The following EPHB1 variants were observed in gnomAD, a reference collection of about 807,000 sequenced individuals.
The protein encoded by EPHB1 is ephrin type-B receptor 1.
Under a neutral mutation model 94.4 loss-of-function variants are expected in EPHB1, and 30 were observed. The observed-to-expected ratio is 0.32, with a 90% CI of 0.24 to 0.43. The LOEUF (loss-of-function observed/expected upper bound fraction) is 0.43, where lower values mean the gene tolerates loss of function less well. EPHB1 is among the 20% of genes least tolerant of loss of function. The pLI is 1.00. For missense variants in EPHB1, 1,055 were observed against 1,308.3 expected, an observed-to-expected ratio of 0.81 and a Z score of 2.99; for synonymous variants, 522 against 489.1, an observed-to-expected ratio of 1.07 and a Z score of -0.89.
At chr3:134,924,001 A>G (rs2038740440) in intron 1 of EPHB1, among the ~76,000 whole-genome samples, 1 of 152,202 alleles carries the variant, frequency 6.6e-6, no homozygotes, top group African/African-American at 2.4e-5. Context: ...CTGGGAATGC[A>G]GGGGACTAGG....
At chr3:134,948,518 A>G (rs1371647604) in intron 2 of EPHB1, among the ~76,000 whole-genome samples, 2 of 152,134 alleles carry the variant, frequency 1.3e-5, no homozygotes, top group East Asian at 1.9e-4. Context: ...TGATAGAACA[A>G]AACACAGTGT....
intron 15 of EPHB1, among the ~76,000 whole-genome samples, chr3:135,250,149 A>G (rs1933009502): frequency 6.6e-6 from 1 of 152,202 alleles, no homozygotes; most frequent in African/African-American, 2.4e-5. Context: ...TTTGGGAAAT[A>G]TTGTGTACTT....
intron 1 of EPHB1, among the ~76,000 whole-genome samples, chr3:134,854,521 T>C (rs1295686055): frequency 6.6e-6 from 1 of 152,098 alleles, no homozygotes; most frequent in Non-Finnish European, 1.5e-5. Context: ...CGGTGGTGTT[T>C]ACTGTGAGGG....
At chr3:135,079,758 T>C (rs773100395) in intron 3 of EPHB1, among the ~76,000 whole-genome samples, 5 of 152,010 alleles carry the variant, frequency 3.3e-5, no homozygotes, top group Non-Finnish European at 5.9e-5. Flanking sequence ...CATTCCTGGG[T>C]ACCCTGTCTC....
intron 10 of EPHB1, among the ~76,000 whole-genome samples, chr3:135,190,759 C>T (rs975378982): frequency 2.0e-5 from 3 of 152,194 alleles, no homozygotes; most frequent in Non-Finnish European, 4.4e-5. Context: ...GAATCTTCAG[C>T]AGTTTGTAAC....
chr3:134,945,580 A>C (rs1216894434), intron 2 of EPHB1, among the ~76,000 whole-genome samples: 1 of 152,222 alleles, frequency 6.6e-6, no homozygotes, highest in Non-Finnish European at 1.5e-5. Flanking sequence ...TCACCAGTTT[A>C]TACTTCCATC....
intron 5 of EPHB1, among the ~76,000 whole-genome samples, chr3:135,153,266 C>A (rs1403799260): frequency 6.6e-6 from 1 of 152,178 alleles, no homozygotes; most frequent in East Asian, 1.9e-4. Flanking sequence ...AGTGCCAGGA[C>A]TAAACGGAAC....
intron 15 of EPHB1, among the ~76,000 whole-genome samples, chr3:135,250,760 A>G (rs553710779): frequency 6.6e-6 from 1 of 152,194 alleles, no homozygotes; most frequent in South Asian, 2.1e-4. Context: ...GGGCTACAAC[A>G]TGTACCGATA....
intron 10 of EPHB1, among the ~76,000 whole-genome samples, chr3:135,189,214 G>A (rs1559867897): frequency 6.6e-6 from 1 of 152,204 alleles, no homozygotes; most frequent in African/African-American, 2.4e-5. Context: ...CATACTATGT[G>A]CCAGGACCTG....
rs569596041 is a variant in EPHB1 at position 135,249,372 on chromosome 3, C to G, written c.2727C>G (p.Asp909Glu). 5 of 1,613,918 alleles carry G rather than the reference C, an allele frequency of 3.1e-6. No homozygotes were observed. The South Asian group carries it at 5.5e-5, about 18-fold the overall frequency. The change falls in exon 15 of 16, where the codon GAC becomes GAG. Residue 909 changes from aspartate to glutamate, a missense_variant. By Grantham distance (45) the Asp-to-Glu change is conservative. Coordinates refer to ENST00000398015, the MANE Select transcript of EPHB1 (RefSeq NM_004441.5). ...SQPLLDRSIPDFTAFTTVDDW... is the reference protein window; with the variant it reads ...SQPLLDRSIPEFTAFTTVDDW... ...CCCTGCTCGACCGCTCCATCCCAGA[C>G]TTCACGGCCTTTACCACCGTGGATG...
intron 3 of EPHB1, among the ~76,000 whole-genome samples, chr3:135,062,623 C>T (rs1473493095): frequency 1.3e-5 from 2 of 151,952 alleles, no homozygotes; most frequent in African/African-American, 4.8e-5. Context: ...AGACTTTTTC[C>T]CACTCTGTGG....
chr3:135,167,092 G>C, intron 9 of EPHB1, 86 bp downstream of exon 9: 2 of 1,500,126 alleles, frequency 1.3e-6, no homozygotes, highest in Non-Finnish European at 1.8e-6. Context: ...TTTATAGCCA[G>C]ACTGGCTGGT....
chr3:135,121,151 C>G (rs1345208196), intron 4 of EPHB1, among the ~76,000 whole-genome samples: 1 of 152,230 alleles, frequency 6.6e-6, no homozygotes, highest in African/African-American at 2.4e-5. Context: ...TAGCCAGGTT[C>G]TGCACTCCTG....
rs377287512 is a variant in EPHB1 at position 135,013,384 on chromosome 3, G to A, written c.805+61332G>A. On this transcript the variant is annotated intron_variant, in intron 3 of 15. Coordinates refer to ENST00000398015, the MANE Select transcript of EPHB1 (RefSeq NM_004441.5). ...GTAGAGTCATTGCCTGCCTGTCAGG[G>A]GGAGTGGGAAATGAGCAGATTGCAG... is the stretch of plus-strand genomic sequence containing the variant. 1.4e-3 allele frequency among the ~76,000 whole-genome samples: 215 copies of A among 152,306 alleles called. 1 individual carries two copies. Among genetic ancestry groups the A allele is most frequent in the Non-Finnish European group, 5.1e-4 (35 of 68,032 alleles).
At chr3:134,896,699 G>A (rs2038092957) in intron 1 of EPHB1, among the ~76,000 whole-genome samples, 1 of 152,242 alleles carries the variant, frequency 6.6e-6, no homozygotes, top group Non-Finnish European at 1.5e-5. Flanking sequence ...TGGCTCATCA[G>A]GGATAATTCC....
At chr3:135,258,821 A>G (rs959762818) in intron 15 of EPHB1, among the ~76,000 whole-genome samples, 191 bp from the exon 16 acceptor site, 3 of 152,236 alleles carry the variant, frequency 2.0e-5, no homozygotes, top group Non-Finnish European at 2.9e-5. Context: ...TGGAGGAAGC[A>G]TTAGAGAAGA....
chr3:135,142,428 A>G (rs1317270715), intron 5 of EPHB1, among the ~76,000 whole-genome samples: 2 of 152,236 alleles, frequency 1.3e-5, no homozygotes, highest in Non-Finnish European at 2.9e-5. Context: ...TTTGACAGTC[A>G]TATGCTCTGA....
chr3:135,097,840 TC>T (rs1333561336), intron 3 of EPHB1, among the ~76,000 whole-genome samples: 1 of 152,080 alleles, frequency 6.6e-6, no homozygotes, highest in Non-Finnish European at 1.5e-5. Flanking sequence ...CCAGCCCTCC[TC>T]CCACCATGGC....
At chr3:135,197,395 T>C (rs1055584925) in intron 11 of EPHB1, among the ~76,000 whole-genome samples, 2 of 152,288 alleles carry the variant, frequency 1.3e-5, no homozygotes, top group East Asian at 3.9e-4. Context: ...AGATTGGAAG[T>C]CCTGAGACCA....
Sources: allele counts gnomAD v4.1 joint callset (sites outside exome capture counted in the v4.1 genomes callset), GRCh38; gene constraint gnomAD v4.1.1; transcripts MANE v1.5; gene names NCBI Gene and HGNC (gene_info 2026-07-23, HGNC 2026-07-21).